Variants in RPRD2 observed in about 807,000 individuals in gnomAD.
RPRD2 encodes regulation of nuclear pre-mRNA domain containing 2.
A neutral mutation model predicts 104.4 loss-of-function variants in RPRD2; 12 were observed. The ratio of observed to expected loss-of-function variants is 0.11; its 90% CI spans 0.07 to 0.19. The LOEUF (loss-of-function observed/expected upper bound fraction) is 0.19, where lower values mean the gene tolerates loss of function less well. Ranked by LOEUF, RPRD2 falls within the 10% of genes least tolerant of loss-of-function variation. The pLI, the probability that RPRD2 is intolerant of heterozygous loss-of-function variation, is 1.00. For missense variants in RPRD2, 1,543 were observed against 1,790.1 expected (o/e 0.86, Z 2.49); for synonymous variants, 714 against 684.9 (o/e 1.04, Z -0.66).
At chr1:150,383,627 T>G (rs1661324639) in intron 1 of RPRD2, among the ~76,000 whole-genome samples, 1 of 151,954 alleles carries the variant, frequency 6.6e-6, no homozygotes, top group Non-Finnish European at 1.5e-5. Context: ...AAAGAAGAGA[T>G]TTTAAAAGGA....
chr1:150,395,365 TTGTGTGTGTGTGTG>T (rs10524632), intron 1 of RPRD2, among the ~76,000 whole-genome samples: 2 of 144,176 alleles, frequency 1.4e-5, no homozygotes, highest in East Asian at 2.0e-4. Context: ...TAGTATTCCA[TTGTGTGTGTGTGTG>T]TGTGTGTGTG....
chr1:150,470,425 C>G, intron 10 of RPRD2, 136 bp from the exon 11 acceptor site: 1 of 811,484 alleles, frequency 1.2e-6, no homozygotes, highest in Non-Finnish European at 1.9e-6. Context: ...CTTGTTTGGT[C>G]TGGATTCCTT....
intron 1 of RPRD2, among the ~76,000 whole-genome samples, chr1:150,376,701 C>G (rs377335275): frequency 2.4e-4 from 36 of 151,464 alleles, no homozygotes; most frequent in African/African-American, 8.0e-4. Context: ...GGGGTTTCAC[C>G]GTGTTAGCCA....
At chr1:150,418,394 T>C (rs1375907429) in intron 2 of RPRD2, among the ~76,000 whole-genome samples, 1 of 152,226 alleles carries the variant, frequency 6.6e-6, no homozygotes, top group Non-Finnish European at 1.5e-5. Flanking sequence ...GTGTCTGTTT[T>C]GTTTGTTTGT....
chr1:150,399,092 C>T (rs1662770566), intron 1 of RPRD2, among the ~76,000 whole-genome samples: 1 of 152,108 alleles, frequency 6.6e-6, no homozygotes, highest in Non-Finnish European at 1.5e-5. Context: ...GCCTCAACCA[C>T]CTAGGCTCTA....
At position 150,440,928 on chromosome 1, in the gene RPRD2, C is replaced by T; in HGVS notation, c.341C>T (p.Pro114Leu). ...LPEAAALVKD[P>L]SVSKSVERIF... ...TACTTTTTCTTTGTTTTCAGGGATCCATCTGTCTCTAAGTCTGTAGAACGA... is the reference window on the plus strand; with the variant it reads ...TACTTTTTCTTTGTTTTCAGGGATCTATCTGTCTCTAAGTCTGTAGAACGA... Residue 114 changes from proline (P) to leucine (L), a missense_variant, in exon 3 of 11, where the codon CCA becomes CTA. Pro to Leu is a moderately conservative substitution (Grantham distance 98). Around this residue, in one of 4 missense-constraint regions of RPRD2, gnomAD observed 572 missense variants for 787.3 expected, o/e 0.73. Coordinates refer to ENST00000369068, the MANE Select transcript of RPRD2 (RefSeq NM_015203.5). The T allele has an allele frequency of 6.6e-7, 1 of 1,518,438 alleles. No individual in the cohort carries two copies. Among genetic ancestry groups the T allele is most frequent in the Non-Finnish European group, 9.0e-7 (1 of 1,112,494 alleles). 94.1% of individuals were successfully genotyped at this position (1,518,438 alleles called of 1,614,324 possible).
At chr1:150,453,114 C>G (rs992732427) in intron 7 of RPRD2, among the ~76,000 whole-genome samples, 4 of 151,638 alleles carry the variant, frequency 2.6e-5, no homozygotes, top group Non-Finnish European at 4.4e-5. Context: ...TTCACTGCAA[C>G]CTCTGTCTCC....
intron 9 of RPRD2, among the ~76,000 whole-genome samples, chr1:150,462,670 C>G (rs142325129): frequency 0.13 from 20,219 of 152,014 alleles, 1,750 homozygotes; most frequent in Non-Finnish European, 0.19. Flanking sequence ...ATTCTCCTGC[C>G]TCAGCCTCCT....
At chr1:150,467,978 G>A (rs921042042) in intron 10 of RPRD2, among the ~76,000 whole-genome samples, 1 of 151,848 alleles carries the variant, frequency 6.6e-6, no homozygotes. Flanking sequence ...GGCCAACAGG[G>A]TAAACCTGTC....
rs112826939 is a variant in RPRD2, at chr1:150,467,308, T to C, written c.1612+2581T>C. Reference sequence around the variant, plus strand: ...AATTGATGATGACTGCAGCACATGTTGTACTACTAATATCAGGGACAATTT... The same window carrying C: ...AATTGATGATGACTGCAGCACATGTCGTACTACTAATATCAGGGACAATTT... On this transcript the variant is annotated intron_variant, in intron 10 of 10. Coordinates refer to ENST00000369068, the MANE Select transcript of RPRD2 (RefSeq NM_015203.5). Among the ~76,000 whole-genome samples, 174 of 152,322 alleles carry C rather than the reference T, an allele frequency of 1.1e-3. 1 individual carries two copies. The highest frequency in any genetic ancestry group is 4.0e-3 in the African/African-American group (167 of 41,580).
intron 9 of RPRD2, 146 bp from the exon 10 acceptor site, chr1:150,464,381 T>TTTTC: frequency 2.0e-6 from 1 of 509,082 alleles, no homozygotes; most frequent in East Asian, 3.1e-5. Context: ...TTTTTTTTTG[T>TTTTC]ACATGTCATG....
rs1570809846 is a variant in RPRD2, at chr1:150,472,455, A to G, written c.3507A>G (p.Glu1169=). 1.2e-6 allele frequency: 2 copies of G among 1,613,942 alleles called. No homozygotes were observed. The highest frequency in any genetic ancestry group is 1.7e-6 in the Non-Finnish European group (2 of 1,179,876). The change falls in exon 11 of 11, where the codon GAA becomes GAG. Residue 1169 remains glutamate (E), a synonymous_variant. Transcript: ENST00000369068. ...LTGFKTAPYK[E]RAPQFQESVG... ...GCTTTAAAACAGCACCATACAAGGA[A>G]CGGGCACCTCAATTTCAGGAGAGTG...
chr1:150,410,345 A>G (rs963530655), intron 1 of RPRD2, among the ~76,000 whole-genome samples: 24 of 152,172 alleles, frequency 1.6e-4, no homozygotes, highest in Non-Finnish European at 2.6e-4. Flanking sequence ...TTCTGAGTTG[A>G]GATTAGACTG....
chr1:150,466,765 AT>A (rs1668309029), intron 10 of RPRD2, among the ~76,000 whole-genome samples: 1 of 151,956 alleles, frequency 6.6e-6, no homozygotes, highest in Non-Finnish European at 1.5e-5. Flanking sequence ...ACCTTTTTTC[AT>A]AAATCTTTCC....
At chr1:150,427,785 C>T (rs782779445) in intron 2 of RPRD2, among the ~76,000 whole-genome samples, 31 of 151,932 alleles carry the variant, frequency 2.0e-4, no homozygotes, top group Non-Finnish European at 3.4e-4. Flanking sequence ...GGTGACATAG[C>T]GAGTCTCTGT....
chr1:150,367,222 T>C (rs944381744), intron 1 of RPRD2, among the ~76,000 whole-genome samples: 1 of 152,222 alleles, frequency 6.6e-6, no homozygotes, highest in Non-Finnish European at 1.5e-5. Context: ...TTTAATGAAC[T>C]TCACTGGTCT....
chr1:150,442,766 A>G (rs961707095), intron 4 of RPRD2, among the ~76,000 whole-genome samples: 3 of 152,186 alleles, frequency 2.0e-5, no homozygotes, highest in Admixed American at 6.6e-5. Context: ...TTCCTTGCCT[A>G]TTTTTGCTAT....
intron 2 of RPRD2, among the ~76,000 whole-genome samples, chr1:150,439,627 C>CTTTTTTTTTTTTTT (rs66814229): frequency 2.1e-5 from 3 of 142,292 alleles, no homozygotes; most frequent in Non-Finnish European, 1.5e-5. Flanking sequence ...TTTGACATAG[C>CTTTTTTTTTTTTTT]TTTTTTTTTT....
In RPRD2 at chr1:150,381,260, C is replaced by CAA. The variant is rs36036461; in HGVS notation, c.205+16353_205+16354dup. Among the ~76,000 whole-genome samples the CAA allele has an allele frequency of 1.3e-3, 175 of 134,362 alleles. No individual in the cohort carries two copies. In the East Asian group the frequency reaches 0.017, roughly 13 times the overall value. The allele number at this position is 134,362 out of a possible 152,430, so 88.1% of individuals were successfully genotyped here. On this transcript the variant is annotated intron_variant, in intron 1 of 10. Coordinates refer to ENST00000369068, the MANE Select transcript of RPRD2 (RefSeq NM_015203.5). ...CAACATAGTGAGACCCCCATCTCTA[C>CAA]AAAAAAAAAAAAATAGGTAGACATG...
Sources: gnomAD v4.1 joint callset for allele counts (sites outside exome capture counted in the v4.1 genomes callset) on GRCh38, gnomAD v4.1.1 for gene constraint, gnomAD v4.1.1 regional missense constraint, MANE v1.5 for transcripts, NCBI Gene and HGNC (gene_info 2026-07-23, HGNC 2026-07-21) for gene names.